Variants in GPHN observed in about 807,000 individuals in gnomAD.
GPHN encodes the protein gephyrin.
GPHN carries 17 observed loss-of-function variants against 95.5 expected under a neutral mutation model. The ratio of observed to expected loss-of-function variants is 0.18; its 90% CI spans 0.12 to 0.27. GPHN has a LOEUF of 0.27. Among genes scored for constraint, GPHN ranks in the 10% least tolerant of loss-of-function variants. The pLI, the probability that GPHN is intolerant of heterozygous loss-of-function variation, is 1.00. For synonymous variants in GPHN, 320 were observed against 322.5 expected (o/e 0.99, Z 0.08); for missense variants, 660 against 978.1 (o/e 0.67, Z 4.34).
At chr14:67,505,678 G>C in the GPHN span, among the ~76,000 whole-genome samples, 1 of 151,944 alleles carries the variant, frequency 6.6e-6, no homozygotes, top group Non-Finnish European at 1.5e-5. Flanking sequence ...GCTGAGGAAG[G>C]AGCAATGATC....
At chr14:66,962,507 A>G (rs560841297) in intron 8 of GPHN, among the ~76,000 whole-genome samples, 2 of 151,912 alleles carry the variant, frequency 1.3e-5, no homozygotes, top group African/African-American at 4.8e-5. Flanking sequence ...ACTCTCCTAA[A>G]GTCATCTTTA....
chr14:66,554,656 A>T (rs1188060299), intron 1 of GPHN, among the ~76,000 whole-genome samples: 1 of 152,062 alleles, frequency 6.6e-6, no homozygotes, highest in African/African-American at 2.4e-5. Flanking sequence ...CTCCCTTAAT[A>T]CCCGGGGATT....
chr14:66,990,548 C>A (rs2071340951), intron 9 of GPHN, among the ~76,000 whole-genome samples: 1 of 152,060 alleles, frequency 6.6e-6, no homozygotes, highest in African/African-American at 2.4e-5. Context: ...CTTGATGATT[C>A]AATTTCAATT....
intron 16 of GPHN, among the ~76,000 whole-genome samples, chr14:67,118,619 T>G (rs1334297721): frequency 6.6e-6 from 1 of 151,774 alleles, no homozygotes; most frequent in East Asian, 1.9e-4. Flanking sequence ...TCCCAGCTAC[T>G]CGGGAGGCTG....
At chr14:67,418,578 C>T in the GPHN span, among the ~76,000 whole-genome samples, 1 of 152,202 alleles carries the variant, frequency 6.6e-6, no homozygotes, top group Non-Finnish European at 1.5e-5. Flanking sequence ...CAGATAGGGG[C>T]TGCTCCTACT....
intron 11 of GPHN, among the ~76,000 whole-genome samples, chr14:67,069,496 G>T (rs187656040): frequency 6.6e-6 from 1 of 152,202 alleles, no homozygotes; most frequent in Non-Finnish European, 1.5e-5. Flanking sequence ...CCTATGTGCC[G>T]TGGTCAGTAT....
At position 66,824,543 on chromosome 14, in the gene GPHN, G is replaced by A. The variant is rs140021399; in HGVS notation, c.271G>A (p.Ala91Thr). The change falls in exon 4 of 23, where the codon GCA (alanine) becomes ACA (threonine). Residue 91 changes from alanine to threonine, a missense_variant. Coordinates refer to ENST00000478722, the MANE Select transcript of GPHN (RefSeq NM_020806.5). ...ATTAACAACTGGAGGAACAGGATTT[G>A]CACCACGAGATGTCACTCCAGAGGT... The part of the protein sequence containing the change: ...LILTTGGTGF[A>T]PRDVTPEATK... 344 of 1,566,036 alleles carry A rather than the reference G, an allele frequency of 2.2e-4. No individual in the cohort carries two copies. Among genetic ancestry groups the A allele is most frequent in the Non-Finnish European group, 2.9e-4 (333 of 1,136,510 alleles).
At chr14:67,504,682 C>T in the GPHN span, among the ~76,000 whole-genome samples, 1 of 152,134 alleles carries the variant, frequency 6.6e-6, no homozygotes. Context: ...GTCAGGAGTT[C>T]AAGACCAGCC....
At chr14:67,324,699 C>A in the GPHN span, among the ~76,000 whole-genome samples, 1 of 151,918 alleles carries the variant, frequency 6.6e-6, no homozygotes, top group Admixed American at 6.6e-5. Flanking sequence ...TCCTCTCACC[C>A]CAGCCTGTCC....
At chr14:66,515,699 G>T (rs1263638582) in intron 1 of GPHN, among the ~76,000 whole-genome samples, 1 of 152,128 alleles carries the variant, frequency 6.6e-6, no homozygotes, top group Non-Finnish European at 1.5e-5. Context: ...ACCTTTAAAT[G>T]GGGGTAAGTG....
intron 1 of GPHN, among the ~76,000 whole-genome samples, chr14:66,676,672 ATTTT>A (rs56906168): frequency 4.0e-5 from 5 of 126,064 alleles, no homozygotes; most frequent in African/African-American, 1.5e-4. Context: ...ATCGTAGTGT[ATTTT>A]TTTTTTTTTT....
At chr14:66,944,469 A>C (rs2067623484) in intron 8 of GPHN, among the ~76,000 whole-genome samples, 1 of 152,232 alleles carries the variant, frequency 6.6e-6, no homozygotes, top group South Asian at 2.1e-4. Flanking sequence ...CATGCAAATC[A>C]CACCAGATTG....
chr14:67,308,864 T>C, the GPHN span, among the ~76,000 whole-genome samples: 1 of 152,308 alleles, frequency 6.6e-6, no homozygotes, highest in Non-Finnish European at 1.5e-5. Context: ...GTAATTCTAA[T>C]AGCCTTCTTG....
At chr14:67,195,814 G>A in the GPHN span, among the ~76,000 whole-genome samples, 2 of 151,296 alleles carry the variant, frequency 1.3e-5, no homozygotes, top group African/African-American at 2.4e-5. Flanking sequence ...CACGATCTCA[G>A]CTCACTGCCA....
intron 9 of GPHN, among the ~76,000 whole-genome samples, chr14:67,000,487 A>G (rs1295236125): frequency 6.6e-6 from 1 of 151,778 alleles, no homozygotes; most frequent in Non-Finnish European, 1.5e-5. Context: ...AATCTCATTT[A>G]GAAAATCTTT....
chr14:67,333,212 C>T, the GPHN span: 1 of 329,652 alleles, frequency 3.0e-6, no homozygotes, highest in Non-Finnish European at 5.6e-6. Context: ...TTCAACAGAG[C>T]ATTCCATTTT....
the GPHN span, among the ~76,000 whole-genome samples, chr14:67,546,010 C>A: frequency 2.0e-5 from 3 of 151,648 alleles, no homozygotes. Context: ...TAATGGCTAA[C>A]CTGGGGGTTG....
the GPHN span, chr14:67,397,850 G>A: frequency 6.3e-7 from 1 of 1,587,940 alleles, no homozygotes; most frequent in African/African-American, 1.3e-5. Flanking sequence ...AGAAAGCCCT[G>A]AGGTGAGGCG....
the GPHN span, among the ~76,000 whole-genome samples, chr14:67,513,733 C>T: frequency 1.3e-5 from 2 of 152,166 alleles, no homozygotes; most frequent in South Asian, 4.1e-4. Context: ...GTCTAGGGCC[C>T]TCCAGTGCCT....
Sources: allele counts gnomAD v4.1 joint callset (sites outside exome capture counted in the v4.1 genomes callset), GRCh38; gene constraint gnomAD v4.1.1; transcripts MANE v1.5; gene names NCBI Gene and HGNC (gene_info 2026-07-23, HGNC 2026-07-21).